The following ATRNL1 variants were observed in gnomAD, a reference collection of about 807,000 sequenced individuals.
ATRNL1 encodes attractin-like protein 1.
ATRNL1 carries 95 observed loss-of-function variants against 182.7 expected under a neutral mutation model. The ratio of observed to expected loss-of-function variants is 0.52; its 90% confidence interval spans 0.44 to 0.62. ATRNL1 has a LOEUF of 0.62. Among genes scored for constraint, ATRNL1 ranks in the 20% least tolerant of loss-of-function variants. The pLI is 0.00. For synonymous variants in ATRNL1, 576 were observed against 568.3 expected (o/e 1.01, Z -0.19); for missense variants, 1,471 against 1,679.5 (o/e 0.88, Z 2.17).
chr10:115,423,697 T>C (rs1845750231), intron 20 of ATRNL1, among the ~76,000 whole-genome samples: 1 of 152,138 alleles, frequency 6.6e-6, no homozygotes, highest in Admixed American at 6.6e-5. Flanking sequence ...TTTTCTTTAA[T>C]AAGTGATGCT....
At chr10:115,661,200 C>T (rs1159844083) in intron 26 of ATRNL1, among the ~76,000 whole-genome samples, 1 of 152,104 alleles carries the variant, frequency 6.6e-6, no homozygotes, top group Non-Finnish European at 1.5e-5. Flanking sequence ...TACCTCAGAA[C>T]TCTTCCAAGA....
At chr10:115,133,488 G>C (rs905857589) in intron 5 of ATRNL1, among the ~76,000 whole-genome samples, 2 of 152,154 alleles carry the variant, frequency 1.3e-5, no homozygotes, top group Admixed American at 6.6e-5. Context: ...AATTGAACAA[G>C]AAGAGCTGAC....
At chr10:115,700,821 C>T (rs1259494415) in intron 26 of ATRNL1, among the ~76,000 whole-genome samples, 4 of 152,142 alleles carry the variant, frequency 2.6e-5, no homozygotes, top group African/African-American at 9.6e-5. Context: ...TCCTTCTAGA[C>T]CTATGAAAAT....
In ATRNL1 at chr10:115,547,400, T is replaced by G. The variant is rs1245911975; in HGVS notation, c.3717-2058T>G. On this transcript the variant is annotated intron_variant, in intron 25 of 28. Transcript: ENST00000355044. ...TGCTGGATCACTATCAGAGCTGTAC[T>G]GGGAATTTCCTTCCTGGGAGGGACT... Among the ~76,000 whole-genome samples the G allele has an allele frequency of 2.0e-5, 3 of 152,022 alleles. No homozygotes were observed. The East Asian group carries it at 5.8e-4, about 29-fold the overall frequency.
chr10:115,678,943 T>C (rs1565277542), intron 26 of ATRNL1, among the ~76,000 whole-genome samples: 1 of 152,080 alleles, frequency 6.6e-6, no homozygotes, highest in Non-Finnish European at 1.5e-5. Flanking sequence ...TAGACAATGG[T>C]GGAAGAGGAA....
At chr10:115,413,398 T>A (rs1173435338) in intron 20 of ATRNL1, among the ~76,000 whole-genome samples, 1 of 152,170 alleles carries the variant, frequency 6.6e-6, no homozygotes, top group African/African-American at 2.4e-5. Flanking sequence ...TGTTTATTCT[T>A]GCCTAATCTT....
intron 28 of ATRNL1, among the ~76,000 whole-genome samples, chr10:115,895,063 T>G (rs1952172400): frequency 6.6e-6 from 1 of 152,208 alleles, no homozygotes; most frequent in Non-Finnish European, 1.5e-5. Context: ...AAGTGGGCTA[T>G]GTAATTAAAA....
chr10:115,340,654 C>T (rs1049221368), intron 19 of ATRNL1, among the ~76,000 whole-genome samples: 2 of 151,380 alleles, frequency 1.3e-5, no homozygotes, highest in Admixed American at 1.3e-4. Context: ...AGCCATCAGA[C>T]CCCAGGCTTT....
At chr10:115,395,055 T>C (rs1385053974) in intron 20 of ATRNL1, among the ~76,000 whole-genome samples, 1 of 151,960 alleles carries the variant, frequency 6.6e-6, no homozygotes, top group Non-Finnish European at 1.5e-5. Flanking sequence ...CAGTGTCTGT[T>C]GTTCCCATCT....
intron 19 of ATRNL1, among the ~76,000 whole-genome samples, chr10:115,368,165 G>T (rs2038462663): frequency 6.6e-6 from 1 of 152,216 alleles, no homozygotes; most frequent in South Asian, 2.1e-4. Context: ...TGCTGTGCTA[G>T]CAATCAGCGA....
intron 24 of ATRNL1, among the ~76,000 whole-genome samples, chr10:115,503,751 C>T (rs1849965117): frequency 6.6e-6 from 1 of 151,878 alleles, no homozygotes; most frequent in South Asian, 2.1e-4. Context: ...TCATGACATG[C>T]TTGGACTTTC....
chr10:115,607,273 G>A (rs1191006867), intron 26 of ATRNL1, among the ~76,000 whole-genome samples: 3 of 151,686 alleles, frequency 2.0e-5, no homozygotes, highest in Non-Finnish European at 4.4e-5. Context: ...AAATAAAACA[G>A]CATTTAGTTA....
chr10:115,581,851 G>A (rs372482879), intron 26 of ATRNL1, among the ~76,000 whole-genome samples: 5,963 of 149,390 alleles, frequency 0.04, 166 homozygotes, highest in South Asian at 0.07. Flanking sequence ...CCACTAACTC[G>A]TCATCTAGCA....
chr10:115,129,450 C>T lies in ATRNL1; in HGVS notation c.744C>T (p.Tyr248=). ...YWKGEACDIP[Y]CKANCGSPDH... is the part of the protein sequence containing the mutation. ...AGGGTGAAGCTTGTGATATTCCTTA[C>T]TGTAAAGCCAATTGCGGCAGTCCAG... Residue 248 remains tyrosine (Y), a synonymous_variant, in exon 5 of 29, where the codon TAC becomes TAT. Transcript: ENST00000355044. 1.9e-6 allele frequency: 3 copies of T among 1,614,118 alleles called. No individual in the cohort carries two copies. Among genetic ancestry groups the T allele is most frequent in the Non-Finnish European group, 1.7e-6 (2 of 1,180,018 alleles).
At chr10:115,779,664 A>G (rs1160256025) in intron 27 of ATRNL1, among the ~76,000 whole-genome samples, 1 of 152,216 alleles carries the variant, frequency 6.6e-6, no homozygotes, top group East Asian at 1.9e-4. Flanking sequence ...TATCACTACA[A>G]CTTAATTATT....
chr10:115,131,256 A>G (rs1368388780), intron 5 of ATRNL1, among the ~76,000 whole-genome samples: 1 of 152,092 alleles, frequency 6.6e-6, no homozygotes, highest in Non-Finnish European at 1.5e-5. Flanking sequence ...ATATACACAT[A>G]TATTTATAAC....
intron 26 of ATRNL1, among the ~76,000 whole-genome samples, chr10:115,601,940 C>T (rs1278871167): frequency 2.6e-5 from 4 of 151,210 alleles, no homozygotes; most frequent in Non-Finnish European, 4.4e-5. Context: ...CTCATTTCCC[C>T]CCTTTTTTCA....
intron 26 of ATRNL1, among the ~76,000 whole-genome samples, chr10:115,636,974 A>G (rs75662284): frequency 2.0e-3 from 299 of 152,332 alleles, no homozygotes; most frequent in African/African-American, 6.7e-3. Context: ...ATAGGAACTG[A>G]AACAGGACGA....
At chr10:115,608,954 A>T (rs1218454304) in intron 26 of ATRNL1, among the ~76,000 whole-genome samples, 1 of 152,112 alleles carries the variant, frequency 6.6e-6, no homozygotes, top group South Asian at 2.1e-4. Context: ...GATTATTTTT[A>T]AATTTCCAGT....
Sources: allele counts gnomAD v4.1 joint callset (sites outside exome capture counted in the v4.1 genomes callset), GRCh38; gene constraint gnomAD v4.1.1; transcripts MANE v1.5; gene names NCBI Gene and HGNC (gene_info 2026-07-23, HGNC 2026-07-21).